The following CIB1 variants were observed in gnomAD, a reference collection of about 807,000 sequenced individuals.
The protein encoded by CIB1 is calcium and integrin-binding protein 1.
A neutral mutation model predicts 25.0 loss-of-function variants in CIB1; 19 were observed. That is an observed-to-expected ratio of 0.76 (90% CI 0.53 to 1.12). The LOEUF (loss-of-function observed/expected upper bound fraction) is 1.12. Among genes scored for constraint, CIB1 ranks in the 50% most tolerant of loss-of-function variants. CIB1 has a pLI of 0.00. For synonymous variants in CIB1, 104 were observed against 98.5 expected (o/e 1.06, Z -0.33); for missense variants, 236 against 242.6 (o/e 0.97, Z 0.18).
the CIB1 span, chr15:90,242,765 A>C: frequency 6.6e-6 from 1 of 152,268 alleles, no homozygotes; most frequent in African/African-American, 2.4e-5. Context: ...TTCATTTTCT[A>C]CCTGATGAGT....
At chr15:90,260,118 T>C in the CIB1 span, among the ~76,000 whole-genome samples, 4 of 152,192 alleles carry the variant, frequency 2.6e-5, no homozygotes, top group Non-Finnish European at 4.4e-5. Flanking sequence ...ATGAAATGTG[T>C]CTTTCAATAA....
chr15:90,243,078 AGATTTT>A, the CIB1 span: 1 of 152,118 alleles, frequency 6.6e-6, no homozygotes, highest in African/African-American at 2.4e-5. Flanking sequence ...CTTTACATTT[AGATTTT>A]GTCTTCCTTT....
the CIB1 span, chr15:90,262,445 T>A: frequency 2.8e-6 from 4 of 1,434,490 alleles, no homozygotes; most frequent in Non-Finnish European, 3.6e-6. Flanking sequence ...ACCCCTCTTC[T>A]CCCCAACACC....
the CIB1 span, among the ~76,000 whole-genome samples, chr15:90,260,711 C>T: frequency 6.6e-5 from 10 of 151,500 alleles, no homozygotes; most frequent in South Asian, 6.3e-4. Context: ...ATTAGCTGGG[C>T]GTGGTGGTGC....
the CIB1 span, chr15:90,241,973 T>A: frequency 1.2e-6 from 2 of 1,614,212 alleles, no homozygotes; most frequent in South Asian, 2.2e-5. Context: ...AGGCAGCTGC[T>A]GTGGCCCTCA....
the CIB1 span, chr15:90,259,080 G>T: frequency 6.9e-7 from 1 of 1,450,672 alleles, no homozygotes. Context: ...AAAAATCACA[G>T]GACCAGGCTT....
chr15:90,235,847 C>T (rs377492042), upstream of CIB1, among the ~76,000 whole-genome samples: 3 of 152,164 alleles, frequency 2.0e-5, no homozygotes, highest in East Asian at 3.9e-4. Context: ...GGATTACAGG[C>T]GTGACCCACC....
chr15:90,256,686 CTA>C, the CIB1 span, among the ~76,000 whole-genome samples: 1 of 150,294 alleles, frequency 6.7e-6, no homozygotes, highest in African/African-American at 2.5e-5. Flanking sequence ...TTCTTTCTCT[CTA>C]CCTCTCTCTC....
the CIB1 span, chr15:90,244,096 G>A: frequency 6.6e-6 from 1 of 152,186 alleles, no homozygotes; most frequent in Non-Finnish European, 1.5e-5. Flanking sequence ...GATGGAGACT[G>A]ACAGTTTGTA....
At chr15:90,248,803 A>G in the CIB1 span, among the ~76,000 whole-genome samples, 1 of 147,182 alleles carries the variant, frequency 6.8e-6, no homozygotes, top group African/African-American at 2.5e-5. Flanking sequence ...AGTGTTCTCT[A>G]GATTTAGCCA....
the CIB1 span, chr15:90,258,105 A>G: frequency 6.2e-7 from 1 of 1,614,204 alleles, no homozygotes; most frequent in Non-Finnish European, 8.5e-7. Context: ...GTGGGGGGAC[A>G]TCGAGGACAT....
At chr15:90,265,720 T>A in the CIB1 span, 6 of 1,613,070 alleles carry the variant, frequency 3.7e-6, no homozygotes, top group Non-Finnish European at 5.1e-6. Context: ...GACATGGCGG[T>A]TACCCTGAGT....
At chr15:90,233,179 G>C (rs1187158170) in intron 2 of CIB1, among the ~76,000 whole-genome samples, 2 of 152,228 alleles carry the variant, frequency 1.3e-5, no homozygotes, top group East Asian at 1.9e-4. Flanking sequence ...AAACCTTTCT[G>C]AACCTGTTTC....
chr15:90,234,084 T>A, upstream of CIB1: 1 of 488,962 alleles, frequency 2.0e-6, no homozygotes, highest in Non-Finnish European at 3.3e-6. Context: ...CAAGCGGTCC[T>A]AGGCGAGCTG....
chr15:90,256,124 G>A, the CIB1 span: 1 of 1,612,424 alleles, frequency 6.2e-7, no homozygotes, highest in South Asian at 1.1e-5. Context: ...TTTTGACCAG[G>A]CCCTCTCTGC....
At chr15:90,239,403 A>C in the CIB1 span, among the ~76,000 whole-genome samples, 1 of 151,930 alleles carries the variant, frequency 6.6e-6, no homozygotes, top group Non-Finnish European at 1.5e-5. Flanking sequence ...TAAAGGAAAG[A>C]GGTTTTATTG....
the CIB1 span, chr15:90,241,955 C>T: frequency 3.7e-6 from 6 of 1,614,076 alleles, no homozygotes; most frequent in Non-Finnish European, 3.4e-6. Flanking sequence ...ACTTCAGCAG[C>T]CTGACAGAGG....
At chr15:90,235,532 A>T (rs555142828), upstream of CIB1, among the ~76,000 whole-genome samples, 42 of 152,196 alleles carry the variant, frequency 2.8e-4, no homozygotes, top group African/African-American at 8.9e-4. Context: ...AAAATAAAAA[A>T]AAATAACTAG....
the CIB1 span, among the ~76,000 whole-genome samples, chr15:90,260,742 TCAGGAGGCTGAGG>T: frequency 1.3e-5 from 2 of 150,290 alleles, no homozygotes; most frequent in Non-Finnish European, 2.9e-5. Flanking sequence ...TCCCAGCTAC[TCAGGAGGCTGAGG>T]CAGGAGAATC....
Sources: gnomAD v4.1 joint callset for allele counts (sites outside exome capture counted in the v4.1 genomes callset) on GRCh38, gnomAD v4.1.1 for gene constraint, MANE v1.5 for transcripts, NCBI Gene and HGNC (gene_info 2026-07-23, HGNC 2026-07-21) for gene names.